The following CLINT1 variants were observed in gnomAD, a reference collection of about 807,000 sequenced individuals.
CLINT1 encodes the protein clathrin interacting protein localized in the trans-Golgi region.
Under a neutral mutation model 70.4 loss-of-function variants are expected in CLINT1, and 15 were observed. The ratio of observed to expected loss-of-function variants is 0.21; its 90% CI spans 0.14 to 0.33. The LOEUF is 0.33. Ranked by LOEUF, CLINT1 falls within the 10% of genes least tolerant of loss-of-function variation. The pLI is 1.00. For synonymous variants in CLINT1, 227 were observed against 254.7 expected (o/e 0.89, Z 1.04); for missense variants, 615 against 778.1 (o/e 0.79, Z 2.49).
chr5:157,792,045 A>G, intron 9 of CLINT1, 50 bp from the exon 10 acceptor site: 1 of 1,489,566 alleles, frequency 6.7e-7, no homozygotes, highest in Non-Finnish European at 9.1e-7. Context: ...AATGCACAGA[A>G]CAAATGTAAC....
At position 157,833,651 on chromosome 5, in the gene CLINT1, C is replaced by A. The variant is rs544485065; in HGVS notation, c.42-16104G>T. Among the ~76,000 whole-genome samples the A allele has an allele frequency of 3.3e-5, 5 of 152,258 alleles. No individual in the cohort carries two copies. In the South Asian group the frequency reaches 1.0e-3, roughly 32 times the overall value. On this transcript the variant is annotated intron_variant, in intron 1 of 11. Transcript: ENST00000411809. Reference sequence around the variant, plus strand: ...CTACTACCTAGAATTACAACTAAAACCAGTGTATCAGACCGGTGTGGCAGC... The same window carrying A: ...CTACTACCTAGAATTACAACTAAAAACAGTGTATCAGACCGGTGTGGCAGC...
intron 1 of CLINT1, among the ~76,000 whole-genome samples, chr5:157,818,886 G>A (rs890611681): frequency 1.3e-5 from 2 of 152,100 alleles, no homozygotes; most frequent in African/African-American, 2.4e-5. Flanking sequence ...ATTTGACATC[G>A]AAAGCTCCAA....
intron 1 of CLINT1, among the ~76,000 whole-genome samples, chr5:157,829,933 TA>T (rs2113259567): frequency 6.6e-6 from 1 of 152,198 alleles, no homozygotes; most frequent in East Asian, 1.9e-4. Flanking sequence ...TGGTATATGC[TA>T]TTCTAAAAAA....
chr5:157,801,228 C>T (rs1762207908), intron 8 of CLINT1, among the ~76,000 whole-genome samples: 1 of 152,100 alleles, frequency 6.6e-6, no homozygotes, highest in African/African-American at 2.4e-5. Context: ...GTAGGCTGGC[C>T]AGGCATGGTG....
chr5:157,802,738 G>T (rs1471690808), intron 8 of CLINT1, among the ~76,000 whole-genome samples: 1 of 151,998 alleles, frequency 6.6e-6, no homozygotes, highest in Non-Finnish European at 1.5e-5. Flanking sequence ...TAGAGACAGG[G>T]TATCACCATG....
chr5:157,810,873 G>T (rs1328968376), intron 5 of CLINT1, among the ~76,000 whole-genome samples: 2 of 152,152 alleles, frequency 1.3e-5, no homozygotes, highest in African/African-American at 4.8e-5. Flanking sequence ...CATAGCCTTT[G>T]GAGATTGAAC....
intron 1 of CLINT1, among the ~76,000 whole-genome samples, chr5:157,830,248 G>A (rs948545650): frequency 3.3e-5 from 5 of 152,018 alleles, no homozygotes; most frequent in African/African-American, 9.7e-5. Flanking sequence ...GCAACCAGTC[G>A]TCCTTTTCTT....
At chr5:157,798,335 T>G (rs926162454) in intron 8 of CLINT1, among the ~76,000 whole-genome samples, 1 of 152,214 alleles carries the variant, frequency 6.6e-6, no homozygotes, top group Admixed American at 6.5e-5. Context: ...GATTCCCACA[T>G]GAGAACTGTC....
At chr5:157,857,977 AG>A (rs1753810909) in intron 1 of CLINT1, among the ~76,000 whole-genome samples, 1 of 152,238 alleles carries the variant, frequency 6.6e-6, no homozygotes. Flanking sequence ...CCAAAGGAAG[AG>A]GACTGCTTAA....
chr5:157,824,233 G>A (rs988725993), intron 1 of CLINT1, among the ~76,000 whole-genome samples: 1 of 152,044 alleles, frequency 6.6e-6, no homozygotes, highest in East Asian at 1.9e-4. Flanking sequence ...TTTTATCAGG[G>A]GATAGCCTCC....
At chr5:157,842,081 G>GT (rs1316178864) in intron 1 of CLINT1, among the ~76,000 whole-genome samples, 3 of 152,316 alleles carry the variant, frequency 2.0e-5, no homozygotes, top group South Asian at 4.1e-4. Flanking sequence ...AGATATAGAT[G>GT]TAAGTTTTAA....
At chr5:157,858,475 G>A (rs1327696408) in intron 1 of CLINT1, among the ~76,000 whole-genome samples, 1 of 152,166 alleles carries the variant, frequency 6.6e-6, no homozygotes, top group Non-Finnish European at 1.5e-5. Context: ...ACCCCAACCA[G>A]GTCTAAGGTC....
rs775716887 is a variant in CLINT1 at position 157,809,627 on chromosome 5, C to T, written c.695+1G>A. 6.3e-7 allele frequency: 1 copy of T among 1,596,068 alleles called. No individual in the cohort carries two copies. Among genetic ancestry groups the T allele is most frequent in the Non-Finnish European group, 8.5e-7 (1 of 1,173,280 alleles). The stretch of plus-strand genomic sequence containing the variant: ...ACCCGGGAGACAAAGTGGTAAAATA[C>T]CTGCATCTTTCTGGAGAGTCTTCTC... On this transcript the variant is annotated splice_donor_variant, in intron 6 of 11. Coordinates refer to ENST00000411809, the MANE Select transcript of CLINT1 (RefSeq NM_014666.4). LOFTEE classifies it high-confidence loss of function.
intron 1 of CLINT1, among the ~76,000 whole-genome samples, chr5:157,827,266 C>T (rs114528836): frequency 1.3e-3 from 193 of 152,146 alleles, no homozygotes; most frequent in Admixed American, 2.3e-3. Context: ...GACAATCTGT[C>T]GGACTAAAAT....
At chr5:157,826,295 G>A (rs1002405633) in intron 1 of CLINT1, among the ~76,000 whole-genome samples, 18 of 152,002 alleles carry the variant, frequency 1.2e-4, no homozygotes, top group Non-Finnish European at 1.9e-4. Context: ...AATACATATC[G>A]TCACCAAAGT....
chr5:157,828,909 T>C (rs1419625515), intron 1 of CLINT1, among the ~76,000 whole-genome samples: 1 of 126,352 alleles, frequency 7.9e-6, no homozygotes, highest in Non-Finnish European at 1.6e-5. Context: ...GCCAATATGG[T>C]GAAACTCTGT....
chr5:157,820,747 A>T (rs1472852284), intron 1 of CLINT1, among the ~76,000 whole-genome samples: 1 of 152,226 alleles, frequency 6.6e-6, no homozygotes, highest in Non-Finnish European at 1.5e-5. Flanking sequence ...AAATAAAAAT[A>T]AAAATTATGT....
chr5:157,800,635 T>A (rs1309891030), intron 8 of CLINT1, among the ~76,000 whole-genome samples: 1 of 152,130 alleles, frequency 6.6e-6, no homozygotes, highest in Non-Finnish European at 1.5e-5. Flanking sequence ...CTAATATCAA[T>A]CTCTATTAGT....
chr5:157,839,720 AATCT>A (rs10632085), intron 1 of CLINT1, among the ~76,000 whole-genome samples: 8,567 of 148,438 alleles, frequency 0.058, 393 homozygotes, highest in African/African-American at 0.12. Context: ...TTACAACAAA[AATCT>A]ATCTATCTAT....
Sources: gnomAD v4.1 joint callset for allele counts (sites outside exome capture counted in the v4.1 genomes callset) on GRCh38, gnomAD v4.1.1 for gene constraint, MANE v1.5 for transcripts, NCBI Gene and HGNC (gene_info 2026-07-23, HGNC 2026-07-21) for gene names.